NUBPL: variants seen among roughly 807,000 people sequenced by gnomAD.
The protein encoded by NUBPL is NUBP iron-sulfur cluster assembly factor, mitochondrial.
In NUBPL, 31 loss-of-function variants were observed where a neutral mutation model predicts 45.7. That is an observed-to-expected ratio of 0.68 (90% CI 0.51 to 0.92). NUBPL has a LOEUF of 0.92. NUBPL is among the 40% of genes least tolerant of loss of function. The probability of loss-of-function intolerance (pLI) is 0.00; values close to 1 mark genes in which losing one functional copy is unlikely to be tolerated. For missense variants in NUBPL, 401 were observed against 398.7 expected (o/e 1.01, Z -0.05); for synonymous variants, 144 against 140.9 (o/e 1.02, Z -0.15).
chr14:31,776,283 C>G (rs2039096405), intron 6 of NUBPL, among the ~76,000 whole-genome samples: 2 of 152,082 alleles, frequency 1.3e-5, no homozygotes, highest in African/African-American at 4.8e-5. Context: ...AGAGCCTCCC[C>G]AAATCATTCT....
At chr14:31,563,119 G>T (rs2033344307) in intron 2 of NUBPL, among the ~76,000 whole-genome samples, 2 of 152,068 alleles carry the variant, frequency 1.3e-5, no homozygotes, top group Non-Finnish European at 2.9e-5. Flanking sequence ...CTTTCCTAAA[G>T]GTTTACAATC....
intron 6 of NUBPL, among the ~76,000 whole-genome samples, chr14:31,729,278 C>G (rs1033177953): frequency 1.2e-4 from 10 of 81,632 alleles, no homozygotes; most frequent in South Asian, 6.0e-4. Flanking sequence ...TGCTCCATCC[C>G]CCCCCCCCCC....
In NUBPL at chr14:31,599,293, A is replaced by G. The variant is rs2034361827; in HGVS notation, c.296A>G (p.Lys99Arg). The change falls in exon 4 of 11, where the codon AAG (lysine) becomes AGG (arginine). Residue 99 changes from lysine (K) to arginine (R), a missense_variant. Lys to Arg is a conservative substitution (Grantham distance 26). Transcript: ENST00000281081. ...TTTTTATTTATTTTTTTACAGTCCAAGGCCATTGGTTTGCTAGATGTGGAT... is the reference window on the plus strand; with the variant it reads ...TTTTTATTTATTTTTTTACAGTCCAGGGCCATTGGTTTGCTAGATGTGGAT... ...ALALAANDSS[K>R]AIGLLDVDVY... 1 of 1,607,654 alleles carries G rather than the reference A, an allele frequency of 6.2e-7. No homozygotes were observed. The highest frequency in any genetic ancestry group is 8.5e-7 in the Non-Finnish European group (1 of 1,174,738).
At chr14:31,784,105 A>G (rs182787449) in intron 6 of NUBPL, among the ~76,000 whole-genome samples, 34 of 152,304 alleles carry the variant, frequency 2.2e-4, no homozygotes, top group Non-Finnish European at 3.8e-4. Context: ...CATCCAGGAA[A>G]CACAGACTCC....
At chr14:31,739,912 T>C (rs1330245466) in intron 6 of NUBPL, among the ~76,000 whole-genome samples, 1 of 152,212 alleles carries the variant, frequency 6.6e-6, no homozygotes, top group Non-Finnish European at 1.5e-5. Context: ...TCATACAGTA[T>C]GTAGACTTTT....
intron 3 of NUBPL, among the ~76,000 whole-genome samples, chr14:31,572,907 T>A (rs2033626659): frequency 6.6e-6 from 1 of 152,194 alleles, no homozygotes; most frequent in Admixed American, 6.5e-5. Context: ...TGTAACACAA[T>A]GGTAAGTATT....
chr14:31,601,448 T>C (rs2034432132), intron 4 of NUBPL, among the ~76,000 whole-genome samples: 1 of 152,176 alleles, frequency 6.6e-6, no homozygotes, highest in Non-Finnish European at 1.5e-5. Context: ...TGGTTTGCAG[T>C]TCTCCTTGAA....
chr14:31,631,339 C>G (rs368763083), intron 4 of NUBPL, among the ~76,000 whole-genome samples: 2 of 151,824 alleles, frequency 1.3e-5, no homozygotes, highest in African/African-American at 4.8e-5. Flanking sequence ...TTTTTTCCCT[C>G]TATGTATTCT....
At chr14:31,773,297 G>C (rs534181962) in intron 6 of NUBPL, among the ~76,000 whole-genome samples, 1 of 152,228 alleles carries the variant, frequency 6.6e-6, no homozygotes, top group African/African-American at 2.4e-5. Flanking sequence ...GTACATAAAA[G>C]GTGCCTCACA....
chr14:31,696,475 T>C (rs1050959061), intron 6 of NUBPL, among the ~76,000 whole-genome samples: 1 of 152,224 alleles, frequency 6.6e-6, no homozygotes, highest in Non-Finnish European at 1.5e-5. Context: ...TACATGGCCT[T>C]CTTCCTTAGA....
chr14:31,688,647 TTTTTGTTGTTG>T (rs1381667676), intron 6 of NUBPL, among the ~76,000 whole-genome samples: 3 of 102,978 alleles, frequency 2.9e-5, no homozygotes, highest in African/African-American at 1.7e-4. Flanking sequence ...CCTGAACAGG[TTTTTGTTGTTG>T]TTTTTTTTTT....
intron 6 of NUBPL, among the ~76,000 whole-genome samples, chr14:31,752,630 A>G (rs998278551): frequency 1.3e-5 from 2 of 152,180 alleles, no homozygotes; most frequent in Admixed American, 1.3e-4. Flanking sequence ...AGTTTTCCAC[A>G]TCTTCCTGTC....
In NUBPL at chr14:31,787,942, A is replaced by T. The variant is rs576379937; in HGVS notation, c.607+69A>T. 1.1e-4 allele frequency: 109 copies of T among 1,025,866 alleles called. 2 individuals carry two copies. The South Asian group carries it at 1.4e-3, about 13-fold the overall frequency. 63.5% of individuals were successfully genotyped at this position (1,025,866 alleles called of 1,614,324 possible). On this transcript the variant is annotated intron_variant, in intron 7 of 10. Transcript: ENST00000281081. ...GTTGTTATTGCTATACCAAAAAACA[A>T]ACTCCATGTTAGGCAAATATTTTGC...
intron 6 of NUBPL, among the ~76,000 whole-genome samples, chr14:31,688,997 A>ATT (rs374637209): frequency 7.0e-6 from 1 of 143,444 alleles, no homozygotes; most frequent in South Asian, 2.2e-4. Context: ...ACCTGATCTC[A>ATT]TTTTTTTTTT....
At chr14:31,605,024 TGG>T (rs1310606826) in intron 4 of NUBPL, among the ~76,000 whole-genome samples, 1 of 152,210 alleles carries the variant, frequency 6.6e-6, no homozygotes, top group African/African-American at 2.4e-5. Context: ...GGGAAGCTAG[TGG>T]GATTTAGAAT....
intron 6 of NUBPL, among the ~76,000 whole-genome samples, chr14:31,709,527 C>T (rs1345806095): frequency 6.7e-6 from 1 of 150,194 alleles, no homozygotes; most frequent in African/African-American, 2.4e-5. Flanking sequence ...TACCAAGTAT[C>T]TCCAAACTCT....
At chr14:31,699,704 A>G (rs1595511828) in intron 6 of NUBPL, among the ~76,000 whole-genome samples, 1 of 152,168 alleles carries the variant, frequency 6.6e-6, no homozygotes. Context: ...CAAGTTTTGT[A>G]TTTTATACGT....
At chr14:31,623,804 C>T (rs182969135) in intron 4 of NUBPL, among the ~76,000 whole-genome samples, 2 of 152,232 alleles carry the variant, frequency 1.3e-5, no homozygotes, top group Admixed American at 6.5e-5. Flanking sequence ...AAAAGTTGCA[C>T]AATGTAAGCT....
At chr14:31,676,500 G>A (rs148106062) in intron 6 of NUBPL, among the ~76,000 whole-genome samples, 2,257 of 151,880 alleles carry the variant, frequency 0.015, 29 homozygotes, top group Middle Eastern at 0.024. Context: ...TCCAGTTTTG[G>A]GCTATTGTGA....
Sources: allele counts gnomAD v4.1 joint callset (sites outside exome capture counted in the v4.1 genomes callset), GRCh38; gene constraint gnomAD v4.1.1; transcripts MANE v1.5; gene names NCBI Gene and HGNC (gene_info 2026-07-23, HGNC 2026-07-21).